Variants in TMEM232 observed in about 807,000 individuals in gnomAD.
The protein encoded by TMEM232 is transmembrane protein 232.
In TMEM232, 80 loss-of-function variants were observed where a neutral mutation model predicts 78.8. That is an observed-to-expected ratio of 1.01 (90% CI 0.85 to 1.22). The LOEUF is 1.22. TMEM232 is among the 50% of genes most tolerant of loss of function. TMEM232 has a pLI of 0.00. For synonymous variants in TMEM232, 297 were observed against 254.3 expected, an observed-to-expected ratio of 1.17 and a Z score of -1.60; for missense variants, 881 against 742.2, an observed-to-expected ratio of 1.19 and a Z score of -2.17.
intron 7 of TMEM232, among the ~76,000 whole-genome samples, chr5:110,622,739 T>A (rs531495296): frequency 6.6e-6 from 1 of 151,814 alleles, no homozygotes; most frequent in Admixed American, 6.6e-5. Context: ...ATGGTATTTC[T>A]AGTTCTAGAT....
At chr5:110,489,866 C>T (rs1294562551) in intron 12 of TMEM232, among the ~76,000 whole-genome samples, 2 of 152,124 alleles carry the variant, frequency 1.3e-5, no homozygotes, top group East Asian at 1.9e-4. Flanking sequence ...TGGCTCATGC[C>T]TGTAATCCTA....
intron 1 of TMEM232, among the ~76,000 whole-genome samples, chr5:110,685,445 A>G (rs565810230): frequency 4.5e-4 from 68 of 152,276 alleles, no homozygotes; most frequent in African/African-American, 1.6e-3. Context: ...ATTCAAATTA[A>G]AAGCATAATG....
At chr5:110,562,942 C>A (rs1485081171) in intron 11 of TMEM232, among the ~76,000 whole-genome samples, 2 of 151,880 alleles carry the variant, frequency 1.3e-5, no homozygotes, top group African/African-American at 4.8e-5. Flanking sequence ...CTATCTCTAG[C>A]TAACTTTTAA....
intron 5 of TMEM232, among the ~76,000 whole-genome samples, chr5:110,632,094 C>G (rs1785205024): frequency 6.6e-6 from 1 of 152,072 alleles, no homozygotes; most frequent in Admixed American, 6.6e-5. Flanking sequence ...AGCCTCCACT[C>G]TTAACCACAC....
intron 12 of TMEM232, among the ~76,000 whole-genome samples, chr5:110,482,168 G>C (rs1020233645): frequency 3.3e-5 from 5 of 152,032 alleles, no homozygotes; most frequent in African/African-American, 1.2e-4. Flanking sequence ...AACAAGAGCA[G>C]ACATTTATAA....
chr5:110,605,823 A>G (rs977801589), intron 9 of TMEM232, among the ~76,000 whole-genome samples: 1 of 152,070 alleles, frequency 6.6e-6, no homozygotes, highest in African/African-American at 2.4e-5. Flanking sequence ...TACTCTAAAG[A>G]AACAGAAGTG....
chr5:110,516,128 A>C (rs1010698988), intron 12 of TMEM232, among the ~76,000 whole-genome samples: 4 of 151,964 alleles, frequency 2.6e-5, no homozygotes, highest in Non-Finnish European at 5.9e-5. Context: ...AGTCCCAGCT[A>C]CTCAGGAGGC....
intron 1 of TMEM232, among the ~76,000 whole-genome samples, chr5:110,687,944 TA>T (rs951363800): frequency 6.6e-6 from 1 of 152,012 alleles, no homozygotes; most frequent in African/African-American, 2.4e-5. Context: ...TGGAAATAGT[TA>T]AAAAAATAAA....
intron 10 of TMEM232, among the ~76,000 whole-genome samples, chr5:110,570,343 G>T (rs1204569105): frequency 6.6e-6 from 1 of 151,934 alleles, no homozygotes; most frequent in Non-Finnish European, 1.5e-5. Flanking sequence ...AGGTTTTGGG[G>T]TTTTCTTAAA....
At chr5:110,602,581 A>C (rs1343657697) in intron 10 of TMEM232, among the ~76,000 whole-genome samples, 1 of 152,224 alleles carries the variant, frequency 6.6e-6, no homozygotes. Context: ...TATAAGTCAA[A>C]ACCACAATGA....
chr5:110,526,040 A>T (rs1024294310), intron 12 of TMEM232, among the ~76,000 whole-genome samples: 1 of 149,554 alleles, frequency 6.7e-6, no homozygotes, highest in African/African-American at 2.4e-5. Flanking sequence ...AAAAAAAAAA[A>T]AAAAAAAAAA....
intron 3 of TMEM232, among the ~76,000 whole-genome samples, chr5:110,394,891 GC>G (rs776028970): frequency 6.6e-6 from 1 of 152,206 alleles, no homozygotes; most frequent in East Asian, 1.9e-4. Flanking sequence ...GCATGCTCTT[GC>G]TCCCCTTCAA....
chr5:110,451,657 AAGT>A (rs1760294746), intron 12 of TMEM232, among the ~76,000 whole-genome samples: 1 of 152,090 alleles, frequency 6.6e-6, no homozygotes, highest in Non-Finnish European at 1.5e-5. Flanking sequence ...TTTCCCCTTA[AAGT>A]TTAACTTAGG....
At chr5:110,698,956 CA>C (rs1254517594) in intron 1 of TMEM232, among the ~76,000 whole-genome samples, 2 of 152,014 alleles carry the variant, frequency 1.3e-5, no homozygotes, top group African/African-American at 4.8e-5. Flanking sequence ...GCCCAAATCT[CA>C]GATATTCTTA....
At chr5:110,655,799 C>G (rs1484452560) in intron 2 of TMEM232, among the ~76,000 whole-genome samples, 1 of 150,696 alleles carries the variant, frequency 6.6e-6, no homozygotes, top group African/African-American at 2.4e-5. Context: ...AGTAAACTAT[C>G]GCAAGGACAA....
intron 2 of TMEM232, among the ~76,000 whole-genome samples, chr5:110,654,104 T>A (rs1457072060): frequency 2.0e-5 from 3 of 152,132 alleles, no homozygotes; most frequent in African/African-American, 4.8e-5. Flanking sequence ...GGGTGCAAAT[T>A]CCTTCTCTGA....
chr5:110,444,206 G>A (rs1030441911), intron 12 of TMEM232, among the ~76,000 whole-genome samples: 18 of 152,042 alleles, frequency 1.2e-4, no homozygotes, highest in Admixed American at 2.0e-4. Flanking sequence ...AGTTTACCTC[G>A]GACCCTAGAG....
chr5:110,409,802 A>G (rs935453273), intron 2 of TMEM232, among the ~76,000 whole-genome samples: 2 of 152,040 alleles, frequency 1.3e-5, no homozygotes, highest in Non-Finnish European at 2.9e-5. Context: ...ATTGTCACTC[A>G]TAGAGCAGGC....
At chr5:110,706,941 C>T (rs569005891) in intron 1 of TMEM232, among the ~76,000 whole-genome samples, 10 of 152,180 alleles carry the variant, frequency 6.6e-5, no homozygotes, top group African/African-American at 2.4e-4. Context: ...CCCCTAAATG[C>T]TATAATTCTA....
Sources: gnomAD v4.1 joint callset for allele counts (sites outside exome capture counted in the v4.1 genomes callset) on GRCh38, gnomAD v4.1.1 for gene constraint, MANE v1.5 for transcripts, NCBI Gene and HGNC (gene_info 2026-07-23, HGNC 2026-07-21) for gene names.